Variants in PRKCB observed in about 807,000 individuals in gnomAD.
PRKCB encodes protein kinase C beta type.
Under a neutral mutation model 81.5 loss-of-function variants are expected in PRKCB, and 13 were observed. The ratio of observed to expected loss-of-function variants is 0.16; its 90% CI spans 0.10 to 0.25. PRKCB has a LOEUF of 0.25. Ranked by LOEUF, PRKCB falls within the 10% of genes least tolerant of loss-of-function variation. The probability of loss-of-function intolerance (pLI) is 1.00; values close to 1 mark genes in which losing one functional copy is unlikely to be tolerated. For missense variants in PRKCB, 509 were observed against 875.7 expected (o/e 0.58, Z 5.29); for synonymous variants, 335 against 321.4 (o/e 1.04, Z -0.45).
intron 10 of PRKCB, among the ~76,000 whole-genome samples, chr16:24,165,190 G>A (rs1052775430): frequency 1.3e-5 from 2 of 152,234 alleles, no homozygotes; most frequent in East Asian, 1.9e-4. Flanking sequence ...ACAGGTGTGC[G>A]CCACCATGCC....
chr16:23,881,860 A>G (rs1963113470), intron 2 of PRKCB, among the ~76,000 whole-genome samples: 1 of 151,970 alleles, frequency 6.6e-6, no homozygotes, highest in African/African-American at 2.4e-5. Context: ...GGTAACCACC[A>G]TTCTGCTTCC....
intron 2 of PRKCB, among the ~76,000 whole-genome samples, chr16:23,864,329 C>A (rs1387407749): frequency 6.6e-6 from 1 of 152,176 alleles, no homozygotes; most frequent in Non-Finnish European, 1.5e-5. Context: ...CAGTGGCTCA[C>A]GCCTGCAATC....
chr16:24,013,962 G>A (rs1205830184), intron 3 of PRKCB, among the ~76,000 whole-genome samples: 1 of 152,144 alleles, frequency 6.6e-6, no homozygotes, highest in Non-Finnish European at 1.5e-5. Flanking sequence ...CACCTGGCAG[G>A]CATTTGCTCC....
chr16:24,043,273 C>CG (rs1482264786), intron 5 of PRKCB, among the ~76,000 whole-genome samples: 2 of 151,852 alleles, frequency 1.3e-5, no homozygotes, highest in African/African-American at 4.8e-5. Context: ...AATAGTTGTT[C>CG]AATTTTTTTT....
intron 9 of PRKCB, among the ~76,000 whole-genome samples, chr16:24,126,724 CAG>C (rs1348983828): frequency 1.3e-5 from 2 of 151,948 alleles, no homozygotes; most frequent in African/African-American, 4.8e-5. Flanking sequence ...TTAATAGAGA[CAG>C]GGTTTCACCA....
intron 5 of PRKCB, among the ~76,000 whole-genome samples, chr16:24,042,886 A>G (rs1965720202): frequency 6.6e-6 from 1 of 152,024 alleles, no homozygotes. Context: ...TACAGGCATG[A>G]GCCACCACAC....
chr16:23,887,735 AT>A (rs1438884843), intron 2 of PRKCB, among the ~76,000 whole-genome samples: 1 of 152,238 alleles, frequency 6.6e-6, no homozygotes, highest in Non-Finnish European at 1.5e-5. Flanking sequence ...GCTGGATTGA[AT>A]GGCAATTCTA....
intron 9 of PRKCB, among the ~76,000 whole-genome samples, chr16:24,153,903 G>A (rs1374559135): frequency 6.6e-6 from 1 of 152,198 alleles, no homozygotes; most frequent in Non-Finnish European, 1.5e-5. Flanking sequence ...CAGGTTCTTA[G>A]TGAACATTAA....
chr16:24,214,299 T>C (rs893929869), intron 16 of PRKCB, among the ~76,000 whole-genome samples: 1 of 152,058 alleles, frequency 6.6e-6, no homozygotes, highest in African/African-American at 2.4e-5. Context: ...TCCCATGTTT[T>C]CCAACAGATG....
chr16:23,994,849 G>A (rs1283914309), intron 3 of PRKCB, among the ~76,000 whole-genome samples: 1 of 152,186 alleles, frequency 6.6e-6, no homozygotes, highest in African/African-American at 2.4e-5. Flanking sequence ...TCCTACTTCA[G>A]GGGTATATCA....
At chr16:23,876,222 C>T (rs1963012141) in intron 2 of PRKCB, among the ~76,000 whole-genome samples, 1 of 152,198 alleles carries the variant, frequency 6.6e-6, no homozygotes, top group Non-Finnish European at 1.5e-5. Context: ...CACAGCCTAC[C>T]AGGGAAGCCA....
At chr16:24,088,635 G>A (rs1219152937) in intron 5 of PRKCB, among the ~76,000 whole-genome samples, 1 of 151,556 alleles carries the variant, frequency 6.6e-6, no homozygotes, top group East Asian at 1.9e-4. Context: ...GTGCTGAGGT[G>A]GTAGCATCGC....
chr16:24,031,683 G>T (rs754804283), intron 3 of PRKCB, among the ~76,000 whole-genome samples: 10 of 152,354 alleles, frequency 6.6e-5, no homozygotes, highest in Non-Finnish European at 8.8e-5. Context: ...AACTGGCAAT[G>T]GTTTCTAAGC....
intron 10 of PRKCB, among the ~76,000 whole-genome samples, chr16:24,166,098 G>A (rs1411302168): frequency 6.6e-6 from 1 of 151,786 alleles, no homozygotes; most frequent in African/African-American, 2.4e-5. Context: ...TGTTGGCCAG[G>A]CTGGTCTCAA....
At chr16:24,023,737 T>C (rs1280564192) in intron 3 of PRKCB, among the ~76,000 whole-genome samples, 3 of 152,164 alleles carry the variant, frequency 2.0e-5, no homozygotes, top group African/African-American at 7.2e-5. Context: ...TGAAATACTC[T>C]GAAACCGATG....
intron 2 of PRKCB, among the ~76,000 whole-genome samples, chr16:23,849,723 A>G (rs1240092200): frequency 6.6e-6 from 1 of 152,158 alleles, no homozygotes; most frequent in Non-Finnish European, 1.5e-5. Context: ...TTTTTGATTG[A>G]CAAATCATAA....
At chr16:24,201,744 C>T (rs1477653647) in intron 16 of PRKCB, among the ~76,000 whole-genome samples, 1 of 152,162 alleles carries the variant, frequency 6.6e-6, no homozygotes, top group Non-Finnish European at 1.5e-5. Flanking sequence ...GAAAAAAAAG[C>T]CACTGTCATG....
At chr16:24,080,262 C>T (rs1966232245) in intron 5 of PRKCB, among the ~76,000 whole-genome samples, 2 of 152,120 alleles carry the variant, frequency 1.3e-5, no homozygotes, top group Admixed American at 6.6e-5. Flanking sequence ...CAGCACAATA[C>T]CAGGATTCAA....
chr16:24,025,116 C>T (rs1351855855), intron 3 of PRKCB, among the ~76,000 whole-genome samples: 1 of 152,218 alleles, frequency 6.6e-6, no homozygotes, highest in Non-Finnish European at 1.5e-5. Context: ...TTCCCTGCAA[C>T]TTGCCGATTG....
Sources: allele counts gnomAD v4.1 joint callset (sites outside exome capture counted in the v4.1 genomes callset), GRCh38; gene constraint gnomAD v4.1.1; transcripts MANE v1.5; gene names NCBI Gene and HGNC (gene_info 2026-07-23, HGNC 2026-07-21).